KDM6A: variants seen among roughly 807,000 people sequenced by gnomAD.
The protein encoded by KDM6A is lysine demethylase 6A.
A neutral mutation model predicts 117.6 loss-of-function variants in KDM6A; 11 were observed. The ratio of observed to expected loss-of-function variants is 0.09; its 90% CI spans 0.06 to 0.15. KDM6A has a LOEUF of 0.15. Among genes scored for constraint, KDM6A ranks in the 10% least tolerant of loss-of-function variants. The pLI is 1.00. For missense variants in KDM6A, 799 were observed against 1,077.3 expected, an observed-to-expected ratio of 0.74 and a Z score of 3.62; for synonymous variants, 384 against 396.1, an observed-to-expected ratio of 0.97 and a Z score of 0.36.
Position 45,112,112 on chromosome X carries a change from A to AT in KDM6A, c.*707dup, listed in dbSNP as rs1201660640. 6 of 163,889 alleles carry AT rather than the reference A, an allele frequency of 3.7e-5. No individual in the cohort carries two copies. The highest frequency in any genetic ancestry group is 7.0e-5 in the Non-Finnish European group (6 of 85,402). 13.5% of individuals were successfully genotyped at this position (163,889 alleles called of 1,213,427 possible). ...AAATATTTGTGAATGGAATGCTGTT[A>AT]TTTTTTCCAGATTTACCTGCCATTG... is the stretch of plus-strand genomic sequence containing the variant. On this transcript the variant is annotated 3_prime_UTR_variant, in exon 30 of 30. Transcript: ENST00000611820.
At chrX:44,874,842 G>C (rs1156515517) in intron 2 of KDM6A, among the ~76,000 whole-genome samples, 2 of 111,275 alleles carry the variant, frequency 1.8e-5, no homozygotes, top group African/African-American at 6.5e-5. Flanking sequence ...CCGTGAATAA[G>C]CCTTTCCTTC....
intron 19 of KDM6A, among the ~76,000 whole-genome samples, chrX:45,077,196 C>CA (rs2045168343): frequency 9.2e-6 from 1 of 109,173 alleles, no homozygotes; most frequent in South Asian, 3.9e-4. Context: ...TCTACCCCCC[C>CA]AAAAAAGATA....
intron 4 of KDM6A, among the ~76,000 whole-genome samples, chrX:44,986,133 C>T (rs1271125055): frequency 9.0e-6 from 1 of 111,355 alleles, no homozygotes; most frequent in Non-Finnish European, 1.9e-5. Flanking sequence ...CTGGTTTAGT[C>T]TTGGGAGGGT....
chrX:44,929,412 T>A (rs771090496), intron 2 of KDM6A, among the ~76,000 whole-genome samples: 1 of 111,712 alleles, frequency 9.0e-6, no homozygotes, highest in African/African-American at 3.3e-5. Flanking sequence ...AATGGAATCA[T>A]ACAGTATGTA....
intron 4 of KDM6A, among the ~76,000 whole-genome samples, chrX:44,994,760 C>T (rs1035110674): frequency 9.0e-6 from 1 of 111,382 alleles, no homozygotes; most frequent in African/African-American, 3.3e-5. Flanking sequence ...CACCTGGCCC[C>T]TGCTGCTGTG....
intron 14 of KDM6A, among the ~76,000 whole-genome samples, chrX:45,061,084 G>A (rs932372935): frequency 2.7e-5 from 3 of 110,955 alleles, no homozygotes; most frequent in Non-Finnish European, 5.7e-5. Context: ...TAGCCGTTTG[G>A]GCCATAGTTT....
chrX:45,072,740 A>G (rs2044910487), intron 18 of KDM6A, among the ~76,000 whole-genome samples: 1 of 110,089 alleles, frequency 9.1e-6, no homozygotes, highest in Non-Finnish European at 1.9e-5. Context: ...CATGGGACCT[A>G]AGGAGGAATA....
At chrX:44,937,332 C>T (rs886741339) in intron 2 of KDM6A, among the ~76,000 whole-genome samples, 2 of 111,322 alleles carry the variant, frequency 1.8e-5, no homozygotes, top group Non-Finnish European at 1.9e-5. Context: ...TTGTGCTTTG[C>T]ATATATGTAT....
At chrX:45,042,285 GGGAGAGGGGAGAGGGGAGAGGGAGA>G (rs2043296085) in intron 8 of KDM6A, among the ~76,000 whole-genome samples, 1 of 70,497 alleles carries the variant, frequency 1.4e-5, no homozygotes, top group African/African-American at 1.0e-4. Context: ...GAGGGGAGAG[GGGAGAGGGGAGAGGGGAGAGGGAGA>G]GTCATTTGAT....
chrX:45,009,847 T>C (rs2041675129), intron 4 of KDM6A, among the ~76,000 whole-genome samples: 1 of 111,657 alleles, frequency 9.0e-6, no homozygotes, highest in Non-Finnish European at 1.9e-5. Flanking sequence ...TACTTTCCTT[T>C]CCTGACTCAC....
chrX:44,917,826 G>T (rs1048150450), intron 2 of KDM6A, among the ~76,000 whole-genome samples: 3 of 111,912 alleles, frequency 2.7e-5, no homozygotes, highest in African/African-American at 9.7e-5. Flanking sequence ...GCTGTTATTG[G>T]GGTTTTATTT....
chrX:45,002,863 C>T (rs1206122035), intron 4 of KDM6A, among the ~76,000 whole-genome samples: 1 of 46,375 alleles, frequency 2.2e-5, no homozygotes, highest in Non-Finnish European at 3.2e-5. Flanking sequence ...CCCTCCCCGC[C>T]CCCCCCCCCC....
intron 10 of KDM6A, among the ~76,000 whole-genome samples, chrX:45,055,576 T>C (rs1297052289): frequency 9.0e-6 from 1 of 111,453 alleles, no homozygotes; most frequent in Non-Finnish European, 1.9e-5. Flanking sequence ...CTGGATTTTA[T>C]TATTTTTGTA....
At chrX:44,923,189 T>C (rs1454995795) in intron 2 of KDM6A, among the ~76,000 whole-genome samples, 2 of 111,650 alleles carry the variant, frequency 1.8e-5, no homozygotes, top group Non-Finnish European at 3.8e-5. Flanking sequence ...TTAAGTGATT[T>C]GGTTACGTTA....
At chrX:44,930,447 A>G (rs2036558315) in intron 2 of KDM6A, among the ~76,000 whole-genome samples, 1 of 111,926 alleles carries the variant, frequency 8.9e-6, no homozygotes, top group African/African-American at 3.2e-5. Flanking sequence ...GAGACAGGTA[A>G]TAGGCTTCTC....
At chrX:45,040,617 C>T (rs1436634429) in intron 8 of KDM6A, among the ~76,000 whole-genome samples, 4 of 86,574 alleles carry the variant, frequency 4.6e-5, no homozygotes, top group African/African-American at 9.1e-5. Context: ...GCTGGCCAGG[C>T]GGGGGGCTGA....
At chrX:45,050,503 G>C (rs73490975) in intron 8 of KDM6A, among the ~76,000 whole-genome samples, 11,359 of 111,409 alleles carry the variant, frequency 0.1, 583 homozygotes, top group East Asian at 0.38. Context: ...TATTGCATCA[G>C]TTTTTTATTG....
intron 4 of KDM6A, among the ~76,000 whole-genome samples, chrX:45,002,296 G>T (rs768615273): frequency 9.1e-6 from 1 of 110,429 alleles, no homozygotes; most frequent in Non-Finnish European, 1.9e-5. Flanking sequence ...CAATTTTAAT[G>T]TCTGACCATA....
chrX:44,947,225 C>A (rs2037695298), intron 2 of KDM6A, among the ~76,000 whole-genome samples: 1 of 110,491 alleles, frequency 9.1e-6, no homozygotes, highest in Non-Finnish European at 1.9e-5. Context: ...CGGGGGAGAT[C>A]TGTAGGATTT....
Sources: gnomAD v4.1 joint callset for allele counts (sites outside exome capture counted in the v4.1 genomes callset) on GRCh38, gnomAD v4.1.1 for gene constraint, MANE v1.5 for transcripts, NCBI Gene and HGNC (gene_info 2026-07-23, HGNC 2026-07-21) for gene names.